STAG2: variants seen among roughly 807,000 people sequenced by gnomAD.
STAG2 encodes STAG2 cohesin complex component, also known as cohesin subunit SA-2.
In STAG2, 14 loss-of-function variants were observed where a neutral mutation model predicts 108.1. That is an observed-to-expected ratio of 0.13 (90% CI 0.09 to 0.20). The LOEUF (loss-of-function observed/expected upper bound fraction) is 0.20, where lower values mean the gene tolerates loss of function less well. STAG2 is among the 10% of genes least tolerant of loss of function. STAG2 has a pLI of 1.00. For synonymous variants in STAG2, 307 were observed against 302.7 expected, an observed-to-expected ratio of 1.01 and a Z score of -0.15; for missense variants, 440 against 940.9, an observed-to-expected ratio of 0.47 and a Z score of 6.96.
intron 25 of STAG2, among the ~76,000 whole-genome samples, chrX:124,072,760 G>A (rs966387542): frequency 1.8e-5 from 2 of 109,670 alleles, no homozygotes; most frequent in African/African-American, 6.6e-5. Flanking sequence ...GAGTGCAGTG[G>A]CACAATCTTG....
At chrX:123,964,691 CAGAGACTGGCAG>C (rs2054013259) in intron 1 of STAG2, among the ~76,000 whole-genome samples, 1 of 104,887 alleles carries the variant, frequency 9.5e-6, no homozygotes, top group Non-Finnish European at 1.9e-5. Context: ...TAAGGTGTAT[CAGAGACTGGCAG>C]AGAGGGTGGA....
chrX:124,028,670 C>T (rs192146603), intron 4 of STAG2, among the ~76,000 whole-genome samples: 1,623 of 108,046 alleles, frequency 0.015, 32 homozygotes, highest in African/African-American at 0.052. Flanking sequence ...AAGGGACCCT[C>T]TAAGGAATAA....
chrX:124,090,708 C>T lies in STAG2; in HGVS notation c.3411C>T (p.Ser1137=). 1 of 1,211,644 alleles carries T rather than the reference C, an allele frequency of 8.3e-7. No individual in the cohort carries two copies. The highest frequency in any genetic ancestry group is 1.7e-5 in the African/African-American group (1 of 57,836). The change falls in exon 31 of 35, where the codon AGC becomes AGT. Residue 1137 remains serine, a synonymous_variant. Coordinates refer to ENST00000371145, the MANE Select transcript of STAG2 (RefSeq NM_001042750.2). ...REPKRLRPED[S]FMSVYPMQTE... ...CCAAAAGATTACGGCCTGAGGATAG[C>T]TTCATGAGTGTTTATCCAATGCAGA...
rs140711244 is a variant in STAG2 at position 124,024,915 on chromosome X, G to T, written c.45-925G>T. 2.5e-3 allele frequency among the ~76,000 whole-genome samples: 278 copies of T among 111,641 alleles called. 1 individual carries two copies. Among genetic ancestry groups the T allele is most frequent in the African/African-American group, 8.3e-3 (256 of 30,791 alleles). ...GTGACCCAAATACTAATATAAGTAT[G>T]CCTTGCTTTAAGCATTTAAATGAGG... On this transcript the variant is annotated intron_variant, in intron 3 of 34. Transcript: ENST00000371145.
intron 1 of STAG2, among the ~76,000 whole-genome samples, chrX:124,012,437 T>G (rs2056550873): frequency 8.9e-6 from 1 of 112,193 alleles, no homozygotes; most frequent in Admixed American, 9.5e-5. Context: ...CTCTTAGATC[T>G]GAAATACGAA....
chrX:124,009,435 G>A (rs59718266), intron 1 of STAG2, among the ~76,000 whole-genome samples: 8,163 of 70,462 alleles, frequency 0.12, 458 homozygotes, highest in Non-Finnish European at 0.14. Flanking sequence ...AGGTAGGTAG[G>A]TAGGTAGGTA....
At chrX:124,021,578 A>G (rs931563327) in intron 2 of STAG2, 147 bp downstream of exon 2, 2 of 111,863 alleles carry the variant, frequency 1.8e-5, no homozygotes, top group African/African-American at 6.5e-5. Context: ...CCATTTTTAC[A>G]TGTACTTTGG....
At chrX:124,095,085 G>T (rs1010898581) in intron 33 of STAG2, among the ~76,000 whole-genome samples, 1 of 110,899 alleles carries the variant, frequency 9.0e-6, no homozygotes, top group Non-Finnish European at 1.9e-5. Context: ...CCGCAACCAC[G>T]CCCGGATAAT....
chrX:123,977,397 C>T (rs1340365105), intron 1 of STAG2, among the ~76,000 whole-genome samples: 1 of 111,494 alleles, frequency 9.0e-6, no homozygotes, highest in Non-Finnish European at 1.9e-5. Flanking sequence ...ATTATGATTC[C>T]AGTTTGTGTT....
At chrX:123,990,141 G>C (rs770695515) in intron 1 of STAG2, among the ~76,000 whole-genome samples, 9 of 111,562 alleles carry the variant, frequency 8.1e-5, no homozygotes, top group Non-Finnish European at 1.5e-4. Flanking sequence ...GAAGCGGCTG[G>C]ACCAGCGGCT....
At chrX:123,993,295 A>T (rs939019173) in intron 1 of STAG2, among the ~76,000 whole-genome samples, 1 of 111,527 alleles carries the variant, frequency 9.0e-6, no homozygotes, top group African/African-American at 3.3e-5. Flanking sequence ...ACAAAAAACA[A>T]TTTTTAAAAA....
chrX:123,984,351 C>T (rs1476773848), intron 1 of STAG2, among the ~76,000 whole-genome samples: 1 of 111,568 alleles, frequency 9.0e-6, no homozygotes, highest in Non-Finnish European at 1.9e-5. Context: ...TATAGTTTTG[C>T]TGAAAATAAT....
intron 23 of STAG2, among the ~76,000 whole-genome samples, chrX:124,068,316 C>G (rs1015384613): frequency 9.0e-6 from 1 of 111,136 alleles, no homozygotes; most frequent in African/African-American, 3.3e-5. Context: ...CTCTTAATAT[C>G]CTAAAGCCTT....
intron 29 of STAG2, among the ~76,000 whole-genome samples, chrX:124,085,951 C>A (rs1469029179): frequency 9.0e-6 from 1 of 111,069 alleles, no homozygotes; most frequent in Non-Finnish European, 1.9e-5. Context: ...AGTTAATTGA[C>A]AAATAGTTGT....
At chrX:123,964,891 A>G (rs144820612) in intron 1 of STAG2, among the ~76,000 whole-genome samples, 1,513 of 109,863 alleles carry the variant, frequency 0.014, 22 homozygotes, top group African/African-American at 0.046. Flanking sequence ...ATGTGTTGCA[A>G]TGACAATCCT....
intron 1 of STAG2, among the ~76,000 whole-genome samples, chrX:124,005,131 G>T (rs1298653544): frequency 1.8e-5 from 2 of 111,681 alleles, no homozygotes; most frequent in African/African-American, 3.3e-5. Context: ...TAGTTATATT[G>T]TATTGATTTT....
chrX:124,039,839 G>A (rs973792374), intron 6 of STAG2, among the ~76,000 whole-genome samples: 5 of 109,089 alleles, frequency 4.6e-5, no homozygotes, highest in South Asian at 3.9e-4. Flanking sequence ...AAACAAGGCC[G>A]CAGAGCATGT....
intron 1 of STAG2, among the ~76,000 whole-genome samples, chrX:123,985,627 A>G (rs2055135065): frequency 9.1e-6 from 1 of 110,225 alleles, no homozygotes; most frequent in Admixed American, 9.8e-5. Context: ...GGAATACAGT[A>G]GCAAGACCAC....
At chrX:124,028,934 G>A (rs189523052) in intron 4 of STAG2, among the ~76,000 whole-genome samples, 14,371 of 99,709 alleles carry the variant, frequency 0.14, 1,076 homozygotes, top group South Asian at 0.35. Flanking sequence ...ATTACAGGTG[G>A]GAGCCACTGC....
Sources: gnomAD v4.1 joint callset for allele counts (sites outside exome capture counted in the v4.1 genomes callset) on GRCh38, gnomAD v4.1.1 for gene constraint, MANE v1.5 for transcripts, NCBI Gene and HGNC (gene_info 2026-07-23, HGNC 2026-07-21) for gene names.